ADRA1A: variants seen among roughly 807,000 people sequenced by gnomAD.
ADRA1A encodes the protein adrenoceptor alpha 1A.
ADRA1A carries 31 observed loss-of-function variants against 29.6 expected under a neutral mutation model. That is an observed-to-expected ratio of 1.05 (90% CI 0.79 to 1.41). The LOEUF (loss-of-function observed/expected upper bound fraction) is 1.41. ADRA1A is among the 40% of genes most tolerant of loss of function. The pLI, the probability that ADRA1A is intolerant of heterozygous loss-of-function variation, is 0.00. For missense variants in ADRA1A, 619 were observed against 601.1 expected (o/e 1.03, Z -0.31); for synonymous variants, 311 against 254.3 (o/e 1.22, Z -2.12).
At chr8:26,818,323 C>A (rs1042536604) in intron 2 of ADRA1A, among the ~76,000 whole-genome samples, 18 of 152,124 alleles carry the variant, frequency 1.2e-4, no homozygotes, top group African/African-American at 3.9e-4. Flanking sequence ...TAAATGAAAT[C>A]TTAATATTAA....
downstream of ADRA1A, among the ~76,000 whole-genome samples, chr8:26,754,791 G>A (rs1422829269): frequency 6.6e-6 from 1 of 152,154 alleles, no homozygotes; most frequent in Non-Finnish European, 1.5e-5. Context: ...GATTGCAAAA[G>A]TGCAGCTTCA....
chr8:26,842,302 G>C (rs1811871743), intron 2 of ADRA1A, among the ~76,000 whole-genome samples: 1 of 151,954 alleles, frequency 6.6e-6, no homozygotes, highest in Non-Finnish European at 1.5e-5. Flanking sequence ...CTACCATATT[G>C]GACAGCATAG....
At chr8:26,760,388 T>A (rs1283406540) in intron 2 of ADRA1A, among the ~76,000 whole-genome samples, 1 of 152,152 alleles carries the variant, frequency 6.6e-6, no homozygotes, top group African/African-American at 2.4e-5. Flanking sequence ...AAGGTCGAAA[T>A]TAAGAGAGCT....
intron 2 of ADRA1A, among the ~76,000 whole-genome samples, chr8:26,845,462 G>C (rs1206579105): frequency 1.3e-5 from 2 of 152,290 alleles, no homozygotes; most frequent in South Asian, 2.1e-4. Context: ...AGAGAAACTA[G>C]AGCCCTCAAA....
chr8:26,757,514 C>CCG (rs1554488992), intron 2 of ADRA1A, among the ~76,000 whole-genome samples: 1 of 150,338 alleles, frequency 6.7e-6, no homozygotes, highest in East Asian at 2.1e-4. Flanking sequence ...CTTCCATTTC[C>CCG]CCCACCCCCC....
At chr8:26,759,382 T>A (rs1585629358) in intron 2 of ADRA1A, among the ~76,000 whole-genome samples, 1 of 152,234 alleles carries the variant, frequency 6.6e-6, no homozygotes, top group Admixed American at 6.5e-5. Context: ...TCTTTTTTTT[T>A]AAAGTATGTA....
intron 2 of ADRA1A, among the ~76,000 whole-genome samples, chr8:26,795,089 T>G (rs1401469716): frequency 6.6e-6 from 1 of 152,120 alleles, no homozygotes; most frequent in Non-Finnish European, 1.5e-5. Flanking sequence ...CATTAGATTG[T>G]GTCCTTCAAA....
chr8:26,842,438 G>A (rs563271188), intron 2 of ADRA1A, among the ~76,000 whole-genome samples: 8 of 152,204 alleles, frequency 5.3e-5, no homozygotes, highest in Non-Finnish European at 1.2e-4. Flanking sequence ...TGCATGCAAA[G>A]CTCAAAAGCC....
At chr8:26,781,942 G>A (rs1254610095) in intron 2 of ADRA1A, among the ~76,000 whole-genome samples, 7 of 152,204 alleles carry the variant, frequency 4.6e-5, no homozygotes, top group Non-Finnish European at 8.8e-5. Context: ...AATAGTCACA[G>A]GTGAACAGGG....
At chr8:26,837,212 T>C (rs1373803338) in intron 2 of ADRA1A, among the ~76,000 whole-genome samples, 2 of 152,208 alleles carry the variant, frequency 1.3e-5, no homozygotes, top group East Asian at 3.8e-4. Context: ...TCAGGCTTTT[T>C]AAAAAAGCTT....
chr8:26,831,209 C>A lies in ADRA1A; in HGVS notation c.883+32878G>T, dbSNP rs1322035674. ...TAAGAAGATTAAGATAATAGCATGC[C>A]TAACATAGCTAATAAGAGAGATTTA... On this transcript the variant is annotated intron_variant, in intron 2 of 2. Transcript: ENST00000380573. This position sits in a 1 kb window ranked among gnomAD's most constrained non-coding sequence, Gnocchi z 5.2. Among the ~76,000 whole-genome samples the A allele has an allele frequency of 1.3e-5, 2 of 152,074 alleles. No homozygotes were observed. Among genetic ancestry groups the A allele is most frequent in the Non-Finnish European group, 2.9e-5 (2 of 68,028 alleles).
At chr8:26,832,015 C>T (rs60814103) in intron 2 of ADRA1A, among the ~76,000 whole-genome samples, 26 of 152,360 alleles carry the variant, frequency 1.7e-4, no homozygotes, top group African/African-American at 6.3e-4. Context: ...AGGAAGGAGC[C>T]ATCTGAGAAT....
chr8:26,823,029 T>C lies in ADRA1A; in HGVS notation c.883+41058A>G, dbSNP rs1352293929. 6.6e-6 allele frequency among the ~76,000 whole-genome samples: 1 copy of C among 152,176 alleles called. No homozygotes were observed. The highest frequency in any genetic ancestry group is 1.5e-5 in the Non-Finnish European group (1 of 68,032). On this transcript the variant is annotated intron_variant, in intron 2 of 2. Transcript: ENST00000380573. The surrounding 1 kb of genome is among the most constrained non-coding windows in gnomAD (Gnocchi z 4.2). ...ACTTCCAGCATTAGGGATTACAATT[T>C]GACATGAGATTTGGGTGGGGACACA...
downstream of ADRA1A, among the ~76,000 whole-genome samples, chr8:26,763,194 C>A (rs560132033): frequency 5.9e-5 from 9 of 152,264 alleles, no homozygotes; most frequent in East Asian, 1.7e-3. This position sits in a 1 kb window ranked among gnomAD's most constrained non-coding sequence, Gnocchi z 4.5. Flanking sequence ...GAGCTCCAGG[C>A]AGGCCCTCAA....
Position 26,864,320 on chromosome 8 carries a change from C to A in ADRA1A, c.650G>T (p.Gly217Val). Residue 217 changes from glycine to valine, a missense_variant, in exon 2 of 3, where the codon GGC (glycine) becomes GTC (valine). Coordinates refer to ENST00000380573, the MANE Select transcript of ADRA1A (RefSeq NM_000680.4). This position sits in a 1 kb window ranked among gnomAD's most constrained non-coding sequence, Gnocchi z 8.1. ...GTCGGTCTTGAGGCCAGACTTGAGG[C>A]CCCGGCTCTCCCTCTTGGCCACCAC... is the stretch of plus-strand genomic sequence containing the variant. ...VYVVAKRESR[G>V]LKSGLKTDKS... 6.2e-7 allele frequency: 1 copy of A among 1,614,062 alleles called. No individual in the cohort carries two copies. Among genetic ancestry groups the A allele is most frequent in the Non-Finnish European group, 8.5e-7 (1 of 1,180,008 alleles).
downstream of ADRA1A, among the ~76,000 whole-genome samples, chr8:26,762,022 TA>T (rs1265326326): frequency 6.6e-6 from 1 of 152,098 alleles, no homozygotes; most frequent in African/African-American, 2.4e-5. The surrounding 1 kb of genome is among the most constrained non-coding windows in gnomAD (Gnocchi z 4.0). Context: ...TTTATGGGAT[TA>T]ATCAAGGCCT....
At chr8:26,797,912 G>T (rs930521560) in intron 2 of ADRA1A, among the ~76,000 whole-genome samples, 1 of 152,102 alleles carries the variant, frequency 6.6e-6, no homozygotes, top group Non-Finnish European at 1.5e-5. Context: ...AGGACACAAG[G>T]TGTCTTCAGG....
intron 2 of ADRA1A, among the ~76,000 whole-genome samples, chr8:26,863,104 T>C (rs551473367): frequency 1.1e-4 from 17 of 152,228 alleles, no homozygotes; most frequent in Non-Finnish European, 1.8e-4. Flanking sequence ...GTAAAGCACT[T>C]GAAATGGACT....
chr8:26,841,112 G>T lies in ADRA1A; in HGVS notation c.883+22975C>A, dbSNP rs989257089. 1.3e-5 allele frequency among the ~76,000 whole-genome samples: 2 copies of T among 152,298 alleles called. No homozygotes were observed. Among genetic ancestry groups the T allele is most frequent in the East Asian group, 3.9e-4 (2 of 5,188 alleles). ...CCACCCTCTACCACAGTTTCCTCAG[G>T]TTGGAAATGAGAATCAAAATGCCCA... is the stretch of plus-strand genomic sequence containing the variant. On this transcript the variant is annotated intron_variant, in intron 2 of 2. Coordinates refer to ENST00000380573, the MANE Select transcript of ADRA1A (RefSeq NM_000680.4). The surrounding 1 kb of genome is among the most constrained non-coding windows in gnomAD (Gnocchi z 4.4).
Sources: allele counts gnomAD v4.1 joint callset (sites outside exome capture counted in the v4.1 genomes callset), GRCh38; gene constraint gnomAD v4.1.1; non-coding constraint Gnocchi (gnomAD v3.1); transcripts MANE v1.5; gene names NCBI Gene and HGNC (gene_info 2026-07-23, HGNC 2026-07-21).